The following MINDY2 variants were observed in gnomAD, a reference collection of about 807,000 sequenced individuals.
MINDY2 encodes the protein MINDY lysine 48 deubiquitinase 2.
A neutral mutation model predicts 68.2 loss-of-function variants in MINDY2; 52 were observed. The ratio of observed to expected loss-of-function variants is 0.76; its 90% CI spans 0.61 to 0.96. The LOEUF is 0.96. MINDY2 is among the 40% of genes least tolerant of loss of function. The probability of loss-of-function intolerance (pLI) is 0.00; values close to 1 mark genes in which losing one functional copy is unlikely to be tolerated. For synonymous variants in MINDY2, 372 were observed against 303.0 expected (o/e 1.23, Z -2.36); for missense variants, 881 against 773.4 (o/e 1.14, Z -1.65).
chr15:58,812,035 T>C (rs1315314381), intron 4 of MINDY2, among the ~76,000 whole-genome samples: 2 of 152,232 alleles, frequency 1.3e-5, no homozygotes, highest in Non-Finnish European at 1.5e-5. Context: ...TACCAGCCAA[T>C]GCCTTTCAAA....
At chr15:58,835,159 G>A (rs1489198255) in intron 6 of MINDY2, among the ~76,000 whole-genome samples, 1 of 152,090 alleles carries the variant, frequency 6.6e-6, no homozygotes, top group African/African-American at 2.4e-5. Flanking sequence ...GCCTATTAAG[G>A]ACCTCGTAGT....
intron 6 of MINDY2, among the ~76,000 whole-genome samples, chr15:58,846,247 C>A (rs560738121): frequency 3.2e-4 from 49 of 152,206 alleles, no homozygotes; most frequent in East Asian, 2.1e-3. Context: ...GTTTGAGAGG[C>A]TGGATACCAC....
chr15:58,819,576 G>A (rs1489760160), intron 4 of MINDY2, among the ~76,000 whole-genome samples: 11 of 151,972 alleles, frequency 7.2e-5, no homozygotes, highest in African/African-American at 2.4e-4. Context: ...TTGAACTCCC[G>A]GCCTCAAGAT....
chr15:58,790,985 C>A (rs933127757), intron 2 of MINDY2, among the ~76,000 whole-genome samples: 2 of 151,832 alleles, frequency 1.3e-5, no homozygotes, highest in South Asian at 2.1e-4. Context: ...CGAGACCATA[C>A]TGGCTAACAC....
intron 2 of MINDY2, 64 bp from the exon 3 acceptor site, chr15:58,802,249 C>G (rs1455707938): frequency 6.5e-6 from 7 of 1,073,776 alleles, no homozygotes; most frequent in Middle Eastern, 2.2e-4. Context: ...AGATCTATTA[C>G]TTTTGTAATC....
chr15:58,788,043 C>A, intron 2 of MINDY2, 80 bp downstream of exon 2: 1 of 907,456 alleles, frequency 1.1e-6, no homozygotes, highest in Non-Finnish European at 1.7e-6. Context: ...TCTCACCTTT[C>A]TGAAGTGCTA....
At chr15:58,847,659 G>C (rs1201088478) in intron 7 of MINDY2, among the ~76,000 whole-genome samples, 189 bp downstream of exon 7, 2 of 152,190 alleles carry the variant, frequency 1.3e-5, no homozygotes, top group African/African-American at 4.8e-5. Context: ...CAGAAGGCCA[G>C]ATCATATTGA....
intron 3 of MINDY2, among the ~76,000 whole-genome samples, chr15:58,806,149 G>A (rs1268846836): frequency 6.6e-6 from 1 of 151,908 alleles, no homozygotes; most frequent in African/African-American, 2.4e-5. Context: ...TCTCAGCTCA[G>A]TACAACTTCC....
chr15:58,841,171 C>CA (rs2032264541), intron 6 of MINDY2, among the ~76,000 whole-genome samples: 2 of 151,444 alleles, frequency 1.3e-5, no homozygotes. Flanking sequence ...TTAGTAGAGA[C>CA]AGAGTTTCAC....
intron 6 of MINDY2, among the ~76,000 whole-genome samples, chr15:58,843,248 C>T (rs1341856568): frequency 6.6e-6 from 1 of 152,142 alleles, no homozygotes; most frequent in Non-Finnish European, 1.5e-5. Context: ...CTCTTGGGTT[C>T]AAGCGATTCT....
Position 58,772,028 on chromosome 15 carries a change from G to T in MINDY2, c.633G>T (p.Leu211Phe), listed in dbSNP as rs904708210. 1 of 1,601,826 alleles carries T rather than the reference G, an allele frequency of 6.2e-7. No homozygotes were observed. The highest frequency in any genetic ancestry group is 8.5e-7 in the Non-Finnish European group (1 of 1,173,838). ...AGGAGGAGGAGGGCGCGGCGGTGTT[G>T]CCCGGGGCTGTTCCTCTGTGCAAGG... ...VPEEEEGAAV[L>F]PGAVPLCKEE... The change falls in exon 1 of 9, where the codon TTG (leucine) becomes TTT (phenylalanine). Residue 211 changes from leucine to phenylalanine, a missense_variant. Transcript: ENST00000559228.
chr15:58,802,404 A>G (rs780130595), intron 3 of MINDY2, 27 bp downstream of exon 3: 7 of 1,447,104 alleles, frequency 4.8e-6, no homozygotes, highest in Non-Finnish European at 6.6e-6. Context: ...GTTAAAGTAT[A>G]TAATTTTAAA....
chr15:58,824,908 G>T (rs1269002030), intron 5 of MINDY2, among the ~76,000 whole-genome samples: 1 of 152,060 alleles, frequency 6.6e-6, no homozygotes, highest in African/African-American at 2.4e-5. Context: ...GACCTCAGGT[G>T]ATCCGCCAGC....
At chr15:58,778,054 A>C (rs905728322) in intron 1 of MINDY2, among the ~76,000 whole-genome samples, 9 of 152,202 alleles carry the variant, frequency 5.9e-5, no homozygotes, top group Admixed American at 3.9e-4. Context: ...CAGAAGGTAT[A>C]TAACATATAT....
At chr15:58,778,922 C>A (rs1457423670) in intron 1 of MINDY2, among the ~76,000 whole-genome samples, 2 of 150,110 alleles carry the variant, frequency 1.3e-5, no homozygotes, top group Non-Finnish European at 2.9e-5. Flanking sequence ...ATGCAGTTTC[C>A]GGCTAATTTT....
chr15:58,823,494 C>A (rs2031201274), intron 5 of MINDY2, among the ~76,000 whole-genome samples: 1 of 151,690 alleles, frequency 6.6e-6, no homozygotes, highest in Non-Finnish European at 1.5e-5. Context: ...GGCAATGTAG[C>A]AAGATCCCAT....
chr15:58,786,971 A>C (rs1333847483), intron 1 of MINDY2, among the ~76,000 whole-genome samples: 4 of 152,030 alleles, frequency 2.6e-5, no homozygotes, highest in Non-Finnish European at 4.4e-5. Context: ...CTGGGATTAT[A>C]AGCATGCGCC....
intron 2 of MINDY2, among the ~76,000 whole-genome samples, chr15:58,790,816 G>GA (rs1489443946): frequency 6.6e-6 from 1 of 151,944 alleles, no homozygotes; most frequent in South Asian, 2.1e-4. Context: ...ACTGAAGCAG[G>GA]AAAAAATGGA....
intron 2 of MINDY2, among the ~76,000 whole-genome samples, chr15:58,791,215 T>TTATATATATATATATATATATATATA (rs57998049): frequency 3.8e-5 from 3 of 79,610 alleles, no homozygotes; most frequent in Admixed American, 1.4e-4. Flanking sequence ...GAAAGCAATT[T>TTATATATATATATATATATATATATA]TATATATATA....
Sources: allele counts gnomAD v4.1 joint callset (sites outside exome capture counted in the v4.1 genomes callset), GRCh38; gene constraint gnomAD v4.1.1; transcripts MANE v1.5; gene names NCBI Gene and HGNC (gene_info 2026-07-23, HGNC 2026-07-21).